Variants in MALRD1 observed in about 807,000 individuals in gnomAD.
MALRD1 encodes the protein MAM and LDL receptor class A domain containing 1.
A neutral mutation model predicts 242.1 loss-of-function variants in MALRD1; 247 were observed. That is an observed-to-expected ratio of 1.02 (90% CI 0.92 to 1.13). The LOEUF (loss-of-function observed/expected upper bound fraction) is 1.13, where lower values mean the gene tolerates loss of function less well. Ranked by LOEUF, MALRD1 falls within the 50% of genes most tolerant of loss-of-function variation. MALRD1 has a pLI of 0.00. For missense variants in MALRD1, 2,989 were observed against 2,533.1 expected (o/e 1.18, Z -3.86); for synonymous variants, 995 against 866.6 (o/e 1.15, Z -2.60).
At chr10:19,059,677 C>T (rs1244429951) in intron 1 of MALRD1, among the ~76,000 whole-genome samples, 1 of 152,004 alleles carries the variant, frequency 6.6e-6, no homozygotes, top group Non-Finnish European at 1.5e-5. Flanking sequence ...TAGGCATGAG[C>T]CACTGCGCTG....
intron 18 of MALRD1, among the ~76,000 whole-genome samples, chr10:19,224,922 TTCTGAATGGTATTGGCTAGG>T (rs1458852339): frequency 2.0e-5 from 3 of 152,196 alleles, no homozygotes; most frequent in Non-Finnish European, 4.4e-5. Flanking sequence ...TTTGCCTATG[TTCTGAATGGTATTGGCTAGG>T]TTTTCTTCTA....
At chr10:19,548,926 C>T (rs1835364603) in intron 32 of MALRD1, among the ~76,000 whole-genome samples, 1 of 152,174 alleles carries the variant, frequency 6.6e-6, no homozygotes, top group Non-Finnish European at 1.5e-5. Flanking sequence ...AGACGTCTTG[C>T]TCCAAACAGC....
At chr10:19,564,343 C>A (rs1564444304) in intron 32 of MALRD1, among the ~76,000 whole-genome samples, 1 of 152,062 alleles carries the variant, frequency 6.6e-6, no homozygotes. Context: ...TGATTTTGGT[C>A]TATCTATGTT....
chr10:19,686,245 T>C (rs1842577814), intron 36 of MALRD1, among the ~76,000 whole-genome samples: 1 of 152,152 alleles, frequency 6.6e-6, no homozygotes, highest in African/African-American at 2.4e-5. Context: ...ATTTTGACGT[T>C]TGACTTGGAG....
chr10:19,382,893 T>C (rs1845898345), intron 26 of MALRD1, among the ~76,000 whole-genome samples: 1 of 152,174 alleles, frequency 6.6e-6, no homozygotes, highest in African/African-American at 2.4e-5. Flanking sequence ...TGTATACTCT[T>C]TCTTTAGTAG....
chr10:19,365,067 A>T (rs750021322), intron 26 of MALRD1, among the ~76,000 whole-genome samples: 4 of 152,182 alleles, frequency 2.6e-5, no homozygotes, highest in Admixed American at 6.5e-5. Context: ...TTAAAATTTT[A>T]AAATTGTTTA....
At chr10:19,316,926 T>C (rs973976778) in intron 21 of MALRD1, among the ~76,000 whole-genome samples, 9 of 151,600 alleles carry the variant, frequency 5.9e-5, no homozygotes, top group Admixed American at 2.6e-4. Flanking sequence ...TATGATTAGA[T>C]TGTAACAGAA....
chr10:19,660,769 A>G (rs1282580259), intron 36 of MALRD1, among the ~76,000 whole-genome samples: 1 of 152,150 alleles, frequency 6.6e-6, no homozygotes, highest in Non-Finnish European at 1.5e-5. Context: ...CATAAAAGAG[A>G]AACCTAGTTA....
intron 34 of MALRD1, among the ~76,000 whole-genome samples, chr10:19,596,906 A>G (rs1253343513): frequency 1.3e-5 from 2 of 151,902 alleles, no homozygotes; most frequent in Admixed American, 1.3e-4. Flanking sequence ...AGATGGAAAG[A>G]TGGAAGGAAG....
rs530317065 is a variant in MALRD1, at chr10:19,287,992, A to T, written c.3419+4811A>T. On this transcript the variant is annotated intron_variant, in intron 21 of 39. Coordinates refer to ENST00000454679, the MANE Select transcript of MALRD1 (RefSeq NM_001142308.3). ...CTGACTCAGATGAATTTATGAATTT[A>T]AAAAAATTAAGCAACATGACATGCA... Among the ~76,000 whole-genome samples, 407 of 152,222 alleles carry T rather than the reference A, an allele frequency of 2.7e-3. 2 individuals are homozygous for T. The highest frequency in any genetic ancestry group is 0.02 in the Middle Eastern group (6 of 294).
At chr10:19,314,340 G>C (rs1210241374) in intron 21 of MALRD1, among the ~76,000 whole-genome samples, 1 of 151,488 alleles carries the variant, frequency 6.6e-6, no homozygotes, top group Non-Finnish European at 1.5e-5. Context: ...ATCTAAAAAG[G>C]CTTGAAAATG....
At chr10:19,731,075 T>C (rs1564576651) in intron 39 of MALRD1, among the ~76,000 whole-genome samples, 1 of 152,210 alleles carries the variant, frequency 6.6e-6, no homozygotes, top group Admixed American at 6.5e-5. Context: ...CTGGGAAATA[T>C]CAGTTTAACC....
chr10:19,553,857 C>G (rs1240807386), intron 32 of MALRD1, among the ~76,000 whole-genome samples: 1 of 152,148 alleles, frequency 6.6e-6, no homozygotes, highest in Non-Finnish European at 1.5e-5. Flanking sequence ...TCTCTCGTCT[C>G]CTAGGAAGTT....
At chr10:19,372,918 A>G (rs1030543711) in intron 26 of MALRD1, among the ~76,000 whole-genome samples, 2 of 152,124 alleles carry the variant, frequency 1.3e-5, no homozygotes, top group African/African-American at 2.4e-5. Flanking sequence ...AGACTACAAG[A>G]TTACTAATCA....
At position 19,264,670 on chromosome 10, in the gene MALRD1, G is replaced by C. The variant is rs557235565; in HGVS notation, c.3079+6899G>C. ...GGGTTTCACTGTGTTAGCCAGGATG[G>C]TCTCGATCTCCTGGCCTCGTTATCC... On this transcript the variant is annotated intron_variant, in intron 19 of 39. Transcript: ENST00000454679. Among the ~76,000 whole-genome samples, 3 of 151,970 alleles carry C rather than the reference G, an allele frequency of 2.0e-5. No individual in the cohort carries two copies. The South Asian group carries it at 6.2e-4, about 32-fold the overall frequency.
intron 18 of MALRD1, among the ~76,000 whole-genome samples, chr10:19,236,115 T>C (rs2131714905): frequency 6.6e-6 from 1 of 152,298 alleles, no homozygotes; most frequent in Non-Finnish European, 1.5e-5. Flanking sequence ...TGTTATTTTA[T>C]GAATAAAAAA....
At chr10:19,653,247 A>G (rs1426608252) in intron 36 of MALRD1, among the ~76,000 whole-genome samples, 4 of 151,864 alleles carry the variant, frequency 2.6e-5, no homozygotes, top group Non-Finnish European at 5.9e-5. Context: ...CCCAGGCTGG[A>G]GTGCAGTGGC....
chr10:19,731,519 T>G (rs1281173874), intron 39 of MALRD1, among the ~76,000 whole-genome samples: 1 of 151,814 alleles, frequency 6.6e-6, no homozygotes, highest in Admixed American at 6.6e-5. Context: ...TGTGTGTGTG[T>G]GCTGAAAACA....
intron 29 of MALRD1, among the ~76,000 whole-genome samples, chr10:19,475,514 C>G (rs1161130253): frequency 1.3e-5 from 2 of 152,084 alleles, no homozygotes; most frequent in Non-Finnish European, 2.9e-5. Context: ...AATCTTGAGT[C>G]CCAGTGTCAA....
Sources: allele counts gnomAD v4.1 joint callset (sites outside exome capture counted in the v4.1 genomes callset), GRCh38; gene constraint gnomAD v4.1.1; transcripts MANE v1.5; gene names NCBI Gene and HGNC (gene_info 2026-07-23, HGNC 2026-07-21).